ATP10B: variants seen among roughly 807,000 people sequenced by gnomAD.
The protein encoded by ATP10B is ATPase phospholipid transporting 10B (putative), also known as phospholipid-transporting ATPase VB.
In ATP10B, 122 loss-of-function variants were observed where a neutral mutation model predicts 141.2. The observed-to-expected ratio is 0.86, with a 90% CI of 0.75 to 1.00. ATP10B has a LOEUF of 1.00. Among genes scored for constraint, ATP10B ranks in the 50% least tolerant of loss-of-function variants. ATP10B has a pLI of 0.00. For missense variants in ATP10B, 1,876 were observed against 1,825.3 expected (o/e 1.03, Z -0.51); for synonymous variants, 685 against 692.0 (o/e 0.99, Z 0.16).
chr5:160,707,182 C>A (rs1289292579), intron 3 of ATP10B, among the ~76,000 whole-genome samples: 7 of 152,112 alleles, frequency 4.6e-5, no homozygotes, highest in African/African-American at 1.7e-4. Context: ...AACTCCTGAC[C>A]TCAGGTGATC....
chr5:160,686,223 G>A lies in ATP10B; in HGVS notation c.326C>T (p.Ser109Phe). 2 of 1,610,222 alleles carry A rather than the reference G, an allele frequency of 1.2e-6. No homozygotes were observed. Among genetic ancestry groups the A allele is most frequent in the Non-Finnish European group, 8.5e-7 (1 of 1,177,494 alleles). ...LFLVILNWMP[S>F]MEVFHREITM... ...GATTTCTCTGTGGAAGACTTCCATG[G>A]AGGGCATCCAGTTCAAAATCACCAG... is the stretch of plus-strand genomic sequence containing the variant. The change falls in exon 6 of 26, where the codon TCC (serine) becomes TTC (phenylalanine). Residue 109 changes from serine to phenylalanine, a missense_variant. By Grantham distance (155) the Ser-to-Phe change is radical. Coordinates refer to ENST00000327245, the MANE Select transcript of ATP10B (RefSeq NM_025153.3).
At position 160,612,813 on chromosome 5, in the gene ATP10B, C is replaced by T. The variant is rs553170183; in HGVS notation, c.2766G>A (p.Ala922=). ...GTCTGCAGGAATGGGCAATGTTGACCGCTGTCTCCTGCTTATCTCCAGTCA... is the reference window on the plus strand; with the variant it reads ...GTCTGCAGGAATGGGCAATGTTGACTGCTGTCTCCTGCTTATCTCCAGTCA... The part of the protein sequence containing the change: ...WVLTGDKQET[A]VNIAHSCRLL... Residue 922 remains alanine (A), a synonymous_variant, in exon 18 of 26, where the codon GCG becomes GCA. Coordinates refer to ENST00000327245, the MANE Select transcript of ATP10B (RefSeq NM_025153.3). 69 of 1,614,044 alleles carry T rather than the reference C, an allele frequency of 4.3e-5. No homozygotes were observed. Among genetic ancestry groups the T allele is most frequent in the African/African-American group, 6.7e-5 (5 of 75,014 alleles).
chr5:160,850,124 A>C (rs1753705493), intron 1 of ATP10B, among the ~76,000 whole-genome samples: 1 of 152,070 alleles, frequency 6.6e-6, no homozygotes, highest in Non-Finnish European at 1.5e-5. Context: ...TAGAAGCAAC[A>C]CTGGGCCAGG....
the ATP10B span, among the ~76,000 whole-genome samples, chr5:160,905,717 A>AACAT: frequency 1.6e-5 from 2 of 122,884 alleles, no homozygotes; most frequent in East Asian, 5.0e-4. Context: ...TAGGATTGCT[A>AACAT]TTATAATGTG....
intron 1 of ATP10B, among the ~76,000 whole-genome samples, chr5:160,839,346 A>G (rs183183952): frequency 2.0e-5 from 3 of 152,104 alleles, no homozygotes; most frequent in Non-Finnish European, 4.4e-5. Context: ...GCAGAAAAAA[A>G]CCCTTCAGAT....
intron 1 of ATP10B, among the ~76,000 whole-genome samples, chr5:160,835,339 T>C (rs943359869): frequency 1.3e-5 from 2 of 152,110 alleles, no homozygotes; most frequent in African/African-American, 2.4e-5. Flanking sequence ...TTTGTTGTTG[T>C]CGGAAGAATG....
At chr5:160,681,804 C>A (rs1763415605) in intron 6 of ATP10B, among the ~76,000 whole-genome samples, 1 of 152,112 alleles carries the variant, frequency 6.6e-6, no homozygotes, top group African/African-American at 2.4e-5. Flanking sequence ...AATATAAAAT[C>A]AGTTAAAAGT....
chr5:160,779,316 C>T (rs1351080744), intron 2 of ATP10B, among the ~76,000 whole-genome samples: 2 of 152,212 alleles, frequency 1.3e-5, no homozygotes, highest in Admixed American at 1.3e-4. Context: ...GTATCTTCCT[C>T]TGGCCTTGAG....
chr5:160,682,063 A>G (rs529556169), intron 6 of ATP10B, among the ~76,000 whole-genome samples: 47 of 152,364 alleles, frequency 3.1e-4, no homozygotes, highest in African/African-American at 1.1e-3. Flanking sequence ...TGCTTTTTAT[A>G]AACTATTCAG....
At chr5:160,595,690 T>C (rs866290819) in intron 22 of ATP10B, among the ~76,000 whole-genome samples, 23 of 151,804 alleles carry the variant, frequency 1.5e-4, no homozygotes, top group African/African-American at 5.3e-4. Flanking sequence ...ATAGATGCAA[T>C]AAAAAATGAT....
intron 1 of ATP10B, among the ~76,000 whole-genome samples, chr5:160,788,153 T>C (rs987151013): frequency 2.0e-5 from 3 of 152,168 alleles, no homozygotes; most frequent in Admixed American, 6.6e-5. Context: ...AGCCCTCATT[T>C]CTGTGAGTAG....
chr5:160,890,330 A>G, the ATP10B span, among the ~76,000 whole-genome samples: 2 of 152,232 alleles, frequency 1.3e-5, no homozygotes, highest in Non-Finnish European at 2.9e-5. Flanking sequence ...CCATTTTAAC[A>G]TGTACAAATC....
chr5:160,869,434 CA>C, the ATP10B span, among the ~76,000 whole-genome samples: 2,031 of 143,014 alleles, frequency 0.014, 27 homozygotes, highest in African/African-American at 0.026. Flanking sequence ...ATACCAGAGA[CA>C]AAAAAAAAAT....
intron 2 of ATP10B, among the ~76,000 whole-genome samples, chr5:160,761,647 G>A (rs1769053173): frequency 1.3e-5 from 2 of 152,134 alleles, no homozygotes; most frequent in Non-Finnish European, 2.9e-5. Flanking sequence ...GACCAGAAAA[G>A]TAATTCTGGT....
Position 160,569,555 on chromosome 5 carries a change from G to A in ATP10B, c.3879C>T (p.Leu1293=), listed in dbSNP as rs978633219. ...AGACGAGGTAGAAAGTGGGGTTTGA[G>A]AGCTGGCCTTCCATCACCCAATAGG... The part of the protein sequence containing the change: ...TNPYWVMEGQ[L]SNPTFYLVCF... Residue 1293 remains leucine, a synonymous_variant, in exon 25 of 26, where the codon CTC becomes CTT. Coordinates refer to ENST00000327245, the MANE Select transcript of ATP10B (RefSeq NM_025153.3). 2 of 1,613,858 alleles carry A rather than the reference G, an allele frequency of 1.2e-6. No individual in the cohort carries two copies. The highest frequency in any genetic ancestry group is 2.7e-5 in the African/African-American group (2 of 74,912).
chr5:160,776,343 A>G (rs4072307), intron 2 of ATP10B, among the ~76,000 whole-genome samples: 17,537 of 152,244 alleles, frequency 0.12, 1,081 homozygotes, highest in Middle Eastern at 0.14. Context: ...CTGAGTTTGT[A>G]CATTTATGAA....
chr5:160,815,294 C>T (rs1369937805), intron 1 of ATP10B, among the ~76,000 whole-genome samples: 2 of 152,102 alleles, frequency 1.3e-5, no homozygotes, highest in African/African-American at 2.4e-5. Flanking sequence ...GGAGAAAGAT[C>T]TACCAAGCAA....
chr5:160,746,404 T>G (rs1245941718), intron 2 of ATP10B, among the ~76,000 whole-genome samples: 4 of 152,058 alleles, frequency 2.6e-5, no homozygotes, highest in African/African-American at 9.7e-5. Flanking sequence ...TCCTTTTTTT[T>G]TTTTTGAGAC....
At position 160,617,909 on chromosome 5, in the gene ATP10B, G is replaced by C; in HGVS notation, c.2481C>G (p.Asp827Glu). 1 of 1,614,174 alleles carries C rather than the reference G, an allele frequency of 6.2e-7. No homozygotes were observed. Among genetic ancestry groups the C allele is most frequent in the East Asian group, 2.2e-5 (1 of 44,884 alleles). ...KIRARTQKHLDLYARDGLRTL... is the reference protein window; with the variant it reads ...KIRARTQKHLELYARDGLRTL... ...TGCGCAGGCCATCTCTTGCATACAAGTCTAGATGCTTTTGGGTCCGGGCTC... is the reference window on the plus strand; with the variant it reads ...TGCGCAGGCCATCTCTTGCATACAACTCTAGATGCTTTTGGGTCCGGGCTC... Residue 827 changes from aspartate (D) to glutamate (E), a missense_variant, in exon 16 of 26, where the codon GAC becomes GAG. Coordinates refer to ENST00000327245, the MANE Select transcript of ATP10B (RefSeq NM_025153.3).
Sources: gnomAD v4.1 joint callset for allele counts (sites outside exome capture counted in the v4.1 genomes callset) on GRCh38, gnomAD v4.1.1 for gene constraint, MANE v1.5 for transcripts, NCBI Gene and HGNC (gene_info 2026-07-23, HGNC 2026-07-21) for gene names.